Variants in PDE1C observed in about 807,000 individuals in gnomAD.
PDE1C encodes dual specificity calcium/calmodulin-dependent 3',5'-cyclic nucleotide phosphodiesterase 1C.
PDE1C carries 62 observed loss-of-function variants against 93.1 expected under a neutral mutation model. That is an observed-to-expected ratio of 0.67 (90% CI 0.54 to 0.82). The LOEUF is 0.82. Among genes scored for constraint, PDE1C ranks in the 40% least tolerant of loss-of-function variants. The pLI is 0.00. For synonymous variants in PDE1C, 325 were observed against 310.1 expected, an observed-to-expected ratio of 1.05 and a Z score of -0.50; for missense variants, 742 against 884.6, an observed-to-expected ratio of 0.84 and a Z score of 2.04.
intron 1 of PDE1C, among the ~76,000 whole-genome samples, chr7:32,335,909 T>C (rs992626670): frequency 2.0e-5 from 3 of 152,116 alleles, no homozygotes; most frequent in African/African-American, 7.2e-5. Flanking sequence ...TTAAAATTTT[T>C]TGTAGAAACA....
chr7:31,762,144 C>T (rs1794869382), intron 17 of PDE1C, among the ~76,000 whole-genome samples: 1 of 152,164 alleles, frequency 6.6e-6, no homozygotes, highest in Non-Finnish European at 1.5e-5. Context: ...CTCTCTAAGA[C>T]ACAAAAGCCT....
At chr7:32,102,692 G>A (rs910666615) in intron 3 of PDE1C, among the ~76,000 whole-genome samples, 7 of 152,212 alleles carry the variant, frequency 4.6e-5, no homozygotes, top group East Asian at 3.9e-4. Flanking sequence ...GGGAGACAAA[G>A]GCACAAAGGA....
At chr7:32,169,697 G>T in intron 3 of PDE1C, 2 of 1,092,012 alleles carry the variant, frequency 1.8e-6, no homozygotes, top group Non-Finnish European at 2.8e-6. Flanking sequence ...GAAGTAATTT[G>T]CTGGCCACAC....
intron 1 of PDE1C, among the ~76,000 whole-genome samples, chr7:32,395,184 T>C (rs1784820172): frequency 6.6e-6 from 1 of 152,186 alleles, no homozygotes; most frequent in African/African-American, 2.4e-5. Context: ...TACTCAATGC[T>C]AGTAATACAA....
chr7:32,141,360 A>G (rs1800515473), intron 3 of PDE1C, among the ~76,000 whole-genome samples: 1 of 152,218 alleles, frequency 6.6e-6, no homozygotes, highest in South Asian at 2.1e-4. Flanking sequence ...AAGAAAAAAG[A>G]GCATGGAAAG....
chr7:31,742,172 C>T, the PDE1C span, among the ~76,000 whole-genome samples: 1 of 152,192 alleles, frequency 6.6e-6, no homozygotes, highest in African/African-American at 2.4e-5. Context: ...TACACGCATC[C>T]TGCACATTCC....
At chr7:31,775,811 G>C in intron 16 of PDE1C, 79 bp from the exon 17 acceptor site, 1 of 1,210,400 alleles carries the variant, frequency 8.3e-7, no homozygotes, top group Non-Finnish European at 1.2e-6. Context: ...CATCTGAAAT[G>C]TTATCAAGTT....
At chr7:31,702,165 T>C in the PDE1C span, among the ~76,000 whole-genome samples, 109 of 152,238 alleles carry the variant, frequency 7.2e-4, no homozygotes, top group African/African-American at 2.5e-3. Flanking sequence ...AATTCTGCCT[T>C]AGAATTGTGA....
chr7:32,028,946 C>T (rs1248035796), intron 2 of PDE1C, among the ~76,000 whole-genome samples: 3 of 151,892 alleles, frequency 2.0e-5, no homozygotes, highest in Non-Finnish European at 4.4e-5. Flanking sequence ...TAACAAGGTA[C>T]GGAGACAATC....
chr7:32,077,857 T>C (rs1189429318), intron 3 of PDE1C: 32 of 984,836 alleles, frequency 3.2e-5, no homozygotes, highest in Non-Finnish European at 3.9e-5. Context: ...GCATACTTTA[T>C]TATTATTATT....
intron 1 of PDE1C, among the ~76,000 whole-genome samples, chr7:32,319,508 C>G (rs1029340920): frequency 6.6e-6 from 1 of 152,202 alleles, no homozygotes; most frequent in Non-Finnish European, 1.5e-5. Flanking sequence ...TGGATTGATC[C>G]CCACCTGACA....
At chr7:32,312,127 C>T (rs1270345317) in intron 1 of PDE1C, among the ~76,000 whole-genome samples, 1 of 151,822 alleles carries the variant, frequency 6.6e-6, no homozygotes, top group Non-Finnish European at 1.5e-5. Flanking sequence ...AAACAGAGAG[C>T]CAAATCATGA....
intron 2 of PDE1C, among the ~76,000 whole-genome samples, chr7:32,048,748 G>A (rs932151431): frequency 6.6e-6 from 1 of 152,046 alleles, no homozygotes; most frequent in African/African-American, 2.4e-5. Flanking sequence ...ATTCAATGAT[G>A]GATCAGAAGC....
chr7:31,781,499 G>T (rs1168274867), intron 16 of PDE1C, among the ~76,000 whole-genome samples: 1 of 152,072 alleles, frequency 6.6e-6, no homozygotes, highest in African/African-American at 2.4e-5. Flanking sequence ...CATTATTGCT[G>T]AGCATATCTG....
chr7:32,083,168 A>G (rs1000156560), intron 3 of PDE1C, among the ~76,000 whole-genome samples: 2 of 152,166 alleles, frequency 1.3e-5, no homozygotes, highest in Non-Finnish European at 1.5e-5. Context: ...AGGAGGATGA[A>G]GCTGAAAGCC....
At chr7:32,343,991 C>G (rs1032039609) in intron 1 of PDE1C, among the ~76,000 whole-genome samples, 5 of 152,178 alleles carry the variant, frequency 3.3e-5, no homozygotes, top group African/African-American at 1.2e-4. Flanking sequence ...GAAAATGTAA[C>G]TATAATACAC....
At chr7:32,314,419 G>A (rs1783126499) in intron 1 of PDE1C, among the ~76,000 whole-genome samples, 1 of 152,108 alleles carries the variant, frequency 6.6e-6, no homozygotes, top group Non-Finnish European at 1.5e-5. Flanking sequence ...TGAGGATTTG[G>A]GGAACATGCA....
At chr7:31,763,384 C>G (rs1794950648) in intron 17 of PDE1C, among the ~76,000 whole-genome samples, 1 of 152,088 alleles carries the variant, frequency 6.6e-6, no homozygotes, top group South Asian at 2.1e-4. Flanking sequence ...AGATCTAAGA[C>G]AGGATCTTAG....
intron 1 of PDE1C, among the ~76,000 whole-genome samples, chr7:32,368,527 G>T (rs986532798): frequency 6.6e-6 from 1 of 152,102 alleles, no homozygotes; most frequent in African/African-American, 2.4e-5. Context: ...TTGGAAAACA[G>T]CCCATACTCA....
Sources: gnomAD v4.1 joint callset for allele counts (sites outside exome capture counted in the v4.1 genomes callset) on GRCh38, gnomAD v4.1.1 for gene constraint, MANE v1.5 for transcripts, NCBI Gene and HGNC (gene_info 2026-07-23, HGNC 2026-07-21) for gene names.